The following NOS1AP variants were observed in gnomAD, a reference collection of about 807,000 sequenced individuals.
The protein encoded by NOS1AP is carboxyl-terminal PDZ ligand of neuronal nitric oxide synthase protein.
NOS1AP carries 21 observed loss-of-function variants against 56.2 expected under a neutral mutation model. That is an observed-to-expected ratio of 0.37 (90% CI 0.26 to 0.54). The LOEUF (loss-of-function observed/expected upper bound fraction) is 0.54. Among genes scored for constraint, NOS1AP ranks in the 20% least tolerant of loss-of-function variants. The pLI, the probability that NOS1AP is intolerant of heterozygous loss-of-function variation, is 0.84. For synonymous variants in NOS1AP, 270 were observed against 274.6 expected (o/e 0.98, Z 0.17); for missense variants, 522 against 657.8 (o/e 0.79, Z 2.26).
Position 162,314,863 on chromosome 1 carries a change from C to T in NOS1AP, c.344+14157C>T, listed in dbSNP as rs903716006. 1.9e-4 allele frequency among the ~76,000 whole-genome samples: 29 copies of T among 152,310 alleles called. 1 individual carries two copies. The highest frequency in any genetic ancestry group is 3.5e-4 in the Non-Finnish European group (24 of 68,028). On this transcript the variant is annotated intron_variant, in intron 4 of 9. Coordinates refer to ENST00000361897, the MANE Select transcript of NOS1AP (RefSeq NM_014697.3). ...CATCTTTGAATATTTGCATCTAAAG[C>T]TGGGAAGGTTTAGCATTGGCTCTTC...
At chr1:162,092,451 G>C (rs1347903031) in intron 1 of NOS1AP, among the ~76,000 whole-genome samples, 1 of 152,142 alleles carries the variant, frequency 6.6e-6, no homozygotes. Context: ...GGTAAATCTG[G>C]TGATTGTTGA....
intron 2 of NOS1AP, among the ~76,000 whole-genome samples, chr1:162,184,295 C>A (rs186276407): frequency 2.0e-5 from 3 of 152,024 alleles, no homozygotes. Context: ...GTAACAATAA[C>A]GATCACTAAT....
At chr1:162,300,763 C>T in intron 4 of NOS1AP, 57 bp downstream of exon 4, 1 of 1,459,718 alleles carries the variant, frequency 6.9e-7, no homozygotes, top group South Asian at 1.1e-5. Context: ...CTCCTGCCCC[C>T]TACAGCCACC....
chr1:162,129,525 TC>T (rs1648652115), intron 1 of NOS1AP, among the ~76,000 whole-genome samples: 1 of 152,220 alleles, frequency 6.6e-6, no homozygotes, highest in South Asian at 2.1e-4. Flanking sequence ...TCAGCTCAAA[TC>T]TGCATCCTCT....
Position 162,367,596 on chromosome 1 carries a change from G to A in NOS1AP, c.*129G>A. ...TGCCAGCCAGGGCCCGGGAGAGTGTGAGGTTTCAGGAAAGTATTGAGATTC... is the reference window on the plus strand; with the variant it reads ...TGCCAGCCAGGGCCCGGGAGAGTGTAAGGTTTCAGGAAAGTATTGAGATTC... On this transcript the variant is annotated 3_prime_UTR_variant, in exon 10 of 10. Coordinates refer to ENST00000361897, the MANE Select transcript of NOS1AP (RefSeq NM_014697.3). The surrounding 1 kb of genome is among the most constrained non-coding windows in gnomAD (Gnocchi z 6.5). 1.9e-6 allele frequency: 2 copies of A among 1,032,678 alleles called. No homozygotes were observed. The highest frequency in any genetic ancestry group is 2.6e-5 in the East Asian group (1 of 38,040). The allele number at this position is 1,032,678 out of a possible 1,614,324, so 64.0% of individuals were successfully genotyped here. A position where few individuals can be genotyped will look rare whatever the true frequency, so the allele number is the denominator to read the frequency against.
chr1:162,178,587 T>C (rs1651145561), intron 2 of NOS1AP, among the ~76,000 whole-genome samples: 1 of 151,914 alleles, frequency 6.6e-6, no homozygotes, highest in African/African-American at 2.4e-5. Flanking sequence ...AAGTGACAGC[T>C]GGCACTTACA....
chr1:162,074,156 T>G (rs1490940887), intron 1 of NOS1AP, among the ~76,000 whole-genome samples: 1 of 152,186 alleles, frequency 6.6e-6, no homozygotes, highest in Non-Finnish European at 1.5e-5. Flanking sequence ...TCTCGATTTT[T>G]CAGACCAAAA....
intron 6 of NOS1AP, among the ~76,000 whole-genome samples, chr1:162,353,084 A>C (rs1489070587): frequency 7.8e-6 from 1 of 127,392 alleles, no homozygotes; most frequent in Non-Finnish European, 1.6e-5. Context: ...CTGCCCCCTG[A>C]CGATCCTTCG....
intron 1 of NOS1AP, among the ~76,000 whole-genome samples, chr1:162,132,701 A>G (rs1475460646): frequency 6.6e-6 from 1 of 152,260 alleles, no homozygotes; most frequent in Non-Finnish European, 1.5e-5. Context: ...TGATGATGAC[A>G]TAATAGGAAT....
intron 2 of NOS1AP, among the ~76,000 whole-genome samples, chr1:162,280,702 TTGAG>T (rs911612814): frequency 3.9e-5 from 6 of 152,224 alleles, no homozygotes; most frequent in African/African-American, 1.4e-4. Flanking sequence ...GTGGTTCCTT[TTGAG>T]TATTTTGGAG....
chr1:162,203,256 A>G (rs1004293991), intron 2 of NOS1AP, among the ~76,000 whole-genome samples: 2 of 152,208 alleles, frequency 1.3e-5, no homozygotes, highest in African/African-American at 4.8e-5. Flanking sequence ...CTCCATTGCT[A>G]TGCTTGTCCG....
rs1647304490 is a variant in NOS1AP, at chr1:162,369,455, G to A, written c.*1988G>A. 1 of 45,882 alleles carries A rather than the reference G, an allele frequency of 2.2e-5. No homozygotes were observed. Among genetic ancestry groups the A allele is most frequent in the Non-Finnish European group, 4.0e-5 (1 of 24,846 alleles). 2.8% of individuals were successfully genotyped at this position (45,882 alleles called of 1,614,324 possible). On this transcript the variant is annotated 3_prime_UTR_variant, in exon 10 of 10. Transcript: ENST00000361897. Reference sequence around the variant, plus strand: ...TAAGATTTTGAACGTCCAGAGGAGTGAAAAGTCTGTTTTCTGACGTAAGCC... The same window carrying A: ...TAAGATTTTGAACGTCCAGAGGAGTAAAAAGTCTGTTTTCTGACGTAAGCC...
intron 2 of NOS1AP, among the ~76,000 whole-genome samples, chr1:162,159,171 C>G (rs1022082769): frequency 2.0e-5 from 3 of 152,130 alleles, no homozygotes; most frequent in Non-Finnish European, 4.4e-5. Context: ...ATATGAACAC[C>G]AGTCTGTCGT....
chr1:162,332,894 A>T lies in NOS1AP; in HGVS notation c.345-123A>T. ...GACTTTTTGATCCTGAAGGAAGAAG[A>T]CTTTCTGTAATAACTTGGCTCTCAT... On this transcript the variant is annotated intron_variant, in intron 4 of 9. Transcript: ENST00000361897. 23 of 744,014 alleles carry T rather than the reference A, an allele frequency of 3.1e-5. No homozygotes were observed. In the South Asian group the frequency reaches 3.4e-4, roughly 11 times the overall value. The allele number at this position is 744,014 out of a possible 1,614,324, so 46.1% of individuals were successfully genotyped here.
chr1:162,289,017 G>T (rs576420769), intron 3 of NOS1AP, among the ~76,000 whole-genome samples: 1 of 152,090 alleles, frequency 6.6e-6, no homozygotes, highest in Non-Finnish European at 1.5e-5. Flanking sequence ...TAAAGAAATC[G>T]TGGATGATGA....
At chr1:162,292,957 C>A (rs1160625318) in intron 3 of NOS1AP, among the ~76,000 whole-genome samples, 2 of 152,194 alleles carry the variant, frequency 1.3e-5, no homozygotes, top group African/African-American at 4.8e-5. Context: ...TAGTTACTGG[C>A]AGCCAGGGTG....
At chr1:162,251,532 T>C (rs934680300) in intron 2 of NOS1AP, among the ~76,000 whole-genome samples, 7 of 152,010 alleles carry the variant, frequency 4.6e-5, no homozygotes, top group African/African-American at 1.7e-4. Flanking sequence ...ATATTGAAAG[T>C]TGACTCCCAA....
At chr1:162,360,181 C>G (rs1657854816) in intron 8 of NOS1AP, among the ~76,000 whole-genome samples, 1 of 152,126 alleles carries the variant, frequency 6.6e-6, no homozygotes, top group Non-Finnish European at 1.5e-5. Context: ...CCGCCCTGAC[C>G]TTAAAGGTAT....
At chr1:162,157,632 TATG>T (rs1650027019) in intron 2 of NOS1AP, among the ~76,000 whole-genome samples, 1 of 152,196 alleles carries the variant, frequency 6.6e-6, no homozygotes, top group Admixed American at 6.5e-5. Flanking sequence ...AAACAGCAGT[TATG>T]ATAAGGATCA....
Sources: gnomAD v4.1 joint callset for allele counts (sites outside exome capture counted in the v4.1 genomes callset) on GRCh38, gnomAD v4.1.1 for gene constraint, Gnocchi (gnomAD v3.1) non-coding constraint, MANE v1.5 for transcripts, NCBI Gene and HGNC (gene_info 2026-07-23, HGNC 2026-07-21) for gene names.